Variants in FAM13B observed in about 807,000 individuals in gnomAD.
The protein encoded by FAM13B is family with sequence similarity 13 member B, also known as protein FAM13B.
FAM13B carries 60 observed loss-of-function variants against 117.3 expected under a neutral mutation model. The ratio of observed to expected loss-of-function variants is 0.51; its 90% confidence interval spans 0.42 to 0.63. The LOEUF (loss-of-function observed/expected upper bound fraction) is 0.63. Ranked by LOEUF, FAM13B falls within the 30% of genes least tolerant of loss-of-function variation. The pLI is 0.00. For synonymous variants in FAM13B, 332 were observed against 356.1 expected (o/e 0.93, Z 0.76); for missense variants, 972 against 1,091.9 (o/e 0.89, Z 1.55).
At chr5:137,946,166 A>G in intron 19 of FAM13B, 62 bp downstream of exon 19, 2 of 1,453,868 alleles carry the variant, frequency 1.4e-6, no homozygotes, top group East Asian at 2.3e-5. Context: ...GTAGGCCACA[A>G]AATTGATTCA....
intron 7 of FAM13B, among the ~76,000 whole-genome samples, chr5:138,006,024 G>A (rs904570052): frequency 5.3e-5 from 8 of 151,276 alleles, no homozygotes; most frequent in Non-Finnish European, 1.2e-4. Context: ...TCAGCCTCCC[G>A]TGTAGCTGGG....
Position 137,988,224 on chromosome 5 carries a change from G to C in FAM13B, c.890+50C>G, listed in dbSNP as rs369978811. 2.2e-5 allele frequency: 29 copies of C among 1,312,756 alleles called. No individual in the cohort carries two copies. The African/African-American group carries it at 3.1e-4, about 14-fold the overall frequency. 81.3% of individuals were successfully genotyped at this position (1,312,756 alleles called of 1,614,324 possible). A position where few individuals can be genotyped will look rare whatever the true frequency, so the allele number is the denominator to read the frequency against. ...ACATTATTTTCATTTCTACAGCTTA[G>C]TAGTATTTTAAAATCTTAAAAATTT... On this transcript the variant is annotated intron_variant, in intron 8 of 23. Coordinates refer to ENST00000689681, the MANE Select transcript of FAM13B (RefSeq NM_001385994.1).
intron 4 of FAM13B, among the ~76,000 whole-genome samples, chr5:138,014,342 C>T (rs1307423014): frequency 6.6e-6 from 1 of 152,224 alleles, no homozygotes; most frequent in Non-Finnish European, 1.5e-5. Context: ...CTGTTAGGAA[C>T]TGGGCCATAC....
intron 22 of FAM13B, 192 bp from the exon 23 acceptor site, chr5:137,942,237 T>G: frequency 1.7e-6 from 1 of 585,492 alleles, no homozygotes; most frequent in Non-Finnish European, 3.0e-6. Context: ...ATCTTCCCAG[T>G]GAAGTCAGGG....
chr5:137,969,275 G>C (rs1301091237), intron 10 of FAM13B, among the ~76,000 whole-genome samples: 17 of 152,242 alleles, frequency 1.1e-4, no homozygotes, highest in Non-Finnish European at 1.9e-4. Flanking sequence ...AGAACGGGCA[G>C]ACTGCCTCCT....
rs1330092202 is a variant in FAM13B, at chr5:137,949,163, T to A, written c.1952A>T (p.Asp651Val). ...ACGTGTCTGAGGTACAAATTCTCCA[T>A]CAGAATTTTTGTGTTTTGCATCTAC... is the stretch of plus-strand genomic sequence containing the variant. ...QIKDAKHKNS[D>V]GEFVPQTRPR... The change falls in exon 18 of 24, where the codon GAT (aspartate) becomes GTT (valine). Residue 651 changes from aspartate (D) to valine (V), a missense_variant. Asp to Val is a radical substitution (Grantham distance 152). Coordinates refer to ENST00000689681, the MANE Select transcript of FAM13B (RefSeq NM_001385994.1). The A allele has an allele frequency of 6.2e-7, 1 of 1,613,878 alleles. No individual in the cohort carries two copies. Among genetic ancestry groups the A allele is most frequent in the East Asian group, 2.2e-5 (1 of 44,880 alleles).
rs559566745 is a variant in FAM13B, at chr5:137,946,623, A to G, written c.2161-312T>C. 5.8e-4 allele frequency among the ~76,000 whole-genome samples: 88 copies of G among 152,334 alleles called. 1 individual carries two copies. The highest frequency in any genetic ancestry group is 2.3e-3 in the South Asian group (11 of 4,830). ...TTGTATTCAACATCCTCATCTGTAA[A>G]ATGGGAATACTTCGTTCTACCTTAA... is the stretch of plus-strand genomic sequence containing the variant. On this transcript the variant is annotated intron_variant, in intron 18 of 23. Transcript: ENST00000689681.
chr5:137,957,880 AAGAC>A (rs1394937520), intron 13 of FAM13B, among the ~76,000 whole-genome samples: 2 of 152,220 alleles, frequency 1.3e-5, no homozygotes, highest in Admixed American at 6.5e-5. Context: ...ATGGAAAAAA[AAGAC>A]AGTCCAGTAT....
At chr5:137,987,757 A>C in intron 8 of FAM13B, 141 bp from the exon 9 acceptor site, 1 of 690,822 alleles carries the variant, frequency 1.4e-6, no homozygotes, top group South Asian at 2.5e-5. Context: ...GAAATACATA[A>C]AAGGAATACA....
At chr5:137,943,673 G>A (rs922213104) in intron 20 of FAM13B, among the ~76,000 whole-genome samples, 2 of 152,084 alleles carry the variant, frequency 1.3e-5, no homozygotes, top group Non-Finnish European at 2.9e-5. Flanking sequence ...TGAACCCCAG[G>A]AGGTGGAGGT....
chr5:138,004,513 T>G (rs73299280), intron 7 of FAM13B, among the ~76,000 whole-genome samples: 4 of 152,322 alleles, frequency 2.6e-5, no homozygotes, highest in Admixed American at 1.3e-4. Flanking sequence ...CTGCCCAACA[T>G]GATAGTCACT....
chr5:138,031,122 G>A (rs967855876), intron 1 of FAM13B, among the ~76,000 whole-genome samples: 2 of 152,102 alleles, frequency 1.3e-5, no homozygotes, highest in African/African-American at 4.8e-5. Flanking sequence ...GCGATGGATT[G>A]AGGTTATTCA....
intron 8 of FAM13B, 83 bp from the exon 9 acceptor site, chr5:137,987,699 C>T (rs1052826449): frequency 7.6e-6 from 10 of 1,319,212 alleles, no homozygotes; most frequent in Non-Finnish European, 1.0e-5. Context: ...AAACCTATGA[C>T]CAGTAAAACT....
In FAM13B at chr5:137,989,670, T is replaced by C. The variant is rs1028897213; in HGVS notation, c.849-1355A>G. Among the ~76,000 whole-genome samples the C allele has an allele frequency of 9.4e-4, 142 of 151,606 alleles. 3 individuals carry two copies. Among genetic ancestry groups the C allele is most frequent in the Non-Finnish European group, 3.5e-4 (24 of 67,872 alleles). On this transcript the variant is annotated intron_variant, in intron 7 of 23. Transcript: ENST00000689681. ...CGAGATCCCATCTCTACAAAAAAAA[T>C]AAAAATCAGCCAGGCATGATGATGG...
intron 13 of FAM13B, among the ~76,000 whole-genome samples, chr5:137,957,343 A>C (rs1041212568): frequency 6.6e-6 from 1 of 152,124 alleles, no homozygotes; most frequent in South Asian, 2.1e-4. Flanking sequence ...GGAGTTTGAG[A>C]CCAGCCTGAC....
At position 137,940,080 on chromosome 5, in the gene FAM13B, T is replaced by C. The variant is rs758505215; in HGVS notation, c.*145A>G. 3.7e-6 allele frequency: 6 copies of C among 1,614,034 alleles called. No homozygotes were observed. In the African/African-American group the frequency reaches 4.0e-5, roughly 11 times the overall value. Reference sequence around the variant, plus strand: ...GGCCTACTTACTCTCCCATCATTTGTTTTGTTTAGTGGCACCACAACCAAG... The same window carrying C: ...GGCCTACTTACTCTCCCATCATTTGCTTTGTTTAGTGGCACCACAACCAAG... On this transcript the variant is annotated 3_prime_UTR_variant, in exon 24 of 24. Transcript: ENST00000689681.
intron 10 of FAM13B, among the ~76,000 whole-genome samples, chr5:137,969,366 G>C (rs961531720): frequency 6.6e-6 from 1 of 152,164 alleles, no homozygotes; most frequent in Admixed American, 6.5e-5. Context: ...ACCTCACACG[G>C]CCGGGTGCTC....
At chr5:138,049,066 C>T (rs1208542778) in intron 1 of FAM13B, among the ~76,000 whole-genome samples, 6 of 151,620 alleles carry the variant, frequency 4.0e-5, no homozygotes, top group South Asian at 2.1e-4. Context: ...CTCAGCCACC[C>T]GACTAGCTGG....
upstream of FAM13B, among the ~76,000 whole-genome samples, chr5:138,033,460 G>A (rs946891104): frequency 6.6e-6 from 1 of 152,234 alleles, no homozygotes; most frequent in Non-Finnish European, 1.5e-5. Context: ...ACCGCTGGGG[G>A]AGACCTAAGC....
Sources: gnomAD v4.1 joint callset for allele counts (sites outside exome capture counted in the v4.1 genomes callset) on GRCh38, gnomAD v4.1.1 for gene constraint, MANE v1.5 for transcripts, NCBI Gene and HGNC (gene_info 2026-07-23, HGNC 2026-07-21) for gene names.